The following ARL13A variants were observed in gnomAD, a reference collection of about 807,000 sequenced individuals.
ARL13A encodes the protein ADP-ribosylation factor-like protein 13A.
Under a neutral mutation model 19.1 loss-of-function variants are expected in ARL13A, and 16 were observed. That is an observed-to-expected ratio of 0.84 (90% CI 0.57 to 1.27). The LOEUF (loss-of-function observed/expected upper bound fraction) is 1.27, where lower values mean the gene tolerates loss of function less well. Among genes scored for constraint, ARL13A ranks in the 50% most tolerant of loss-of-function variants. The probability of loss-of-function intolerance (pLI) is 0.00; values close to 1 mark genes in which losing one functional copy is unlikely to be tolerated. For synonymous variants in ARL13A, 69 were observed against 71.3 expected, an observed-to-expected ratio of 0.97 and a Z score of 0.17; for missense variants, 153 against 186.4, an observed-to-expected ratio of 0.82 and a Z score of 1.04.
chrX:100,983,890 A>ATGAC (rs1215446715), intron 3 of ARL13A, among the ~76,000 whole-genome samples: 1 of 111,372 alleles, frequency 9.0e-6, no homozygotes, highest in Middle Eastern at 4.2e-3. Context: ...TTTCACGTTA[A>ATGAC]TGACTCATTT....
intron 3 of ARL13A, among the ~76,000 whole-genome samples, chrX:100,975,819 A>G (rs1040704983): frequency 9.1e-6 from 1 of 109,667 alleles, no homozygotes; most frequent in Non-Finnish European, 1.9e-5. Context: ...ATTTTAGTAG[A>G]GATGGGGTTT....
At chrX:100,981,551 C>T (rs1410390821) in intron 3 of ARL13A, among the ~76,000 whole-genome samples, 2 of 108,641 alleles carry the variant, frequency 1.8e-5, no homozygotes, top group Non-Finnish European at 3.8e-5. Context: ...TGCCTGCAAT[C>T]CCAGCACTTT....
chrX:100,972,519 G>T (rs1453579608), intron 1 of ARL13A, among the ~76,000 whole-genome samples: 1 of 84,934 alleles, frequency 1.2e-5, no homozygotes, highest in Non-Finnish European at 2.4e-5. Context: ...CGGACGGGGC[G>T]GCTGGCCGGG....
chrX:100,986,905 A>G lies in ARL13A; in HGVS notation c.486+4A>G, dbSNP rs1299872027. On this transcript the variant is annotated splice_donor_region_variant and intron_variant, in intron 5 of 7. Coordinates refer to ENST00000450049, the MANE Select transcript of ARL13A (RefSeq NM_001162491.2). ...GAATAAGTGCCCATGCCGAGTAGTA[A>G]GTGTCAACCTCTTCCTTCCCTCTTC... The G allele has an allele frequency of 1.1e-5, 12 of 1,131,756 alleles. No individual in the cohort carries two copies. The highest frequency in any genetic ancestry group is 1.2e-5 in the Non-Finnish European group (10 of 831,221). 93.3% of individuals were successfully genotyped at this position (1,131,756 alleles called of 1,213,427 possible). A position where few individuals can be genotyped will look rare whatever the true frequency, so the allele number is the denominator to read the frequency against.
chrX:100,983,398 C>T (rs2085890713), intron 3 of ARL13A, among the ~76,000 whole-genome samples: 1 of 110,391 alleles, frequency 9.1e-6, no homozygotes, highest in Non-Finnish European at 1.9e-5. Flanking sequence ...GCTCTGTCAC[C>T]CAGGCTGAAG....
chrX:100,987,454 G>T lies in ARL13A; in HGVS notation c.551G>T (p.Arg184Leu). 8.3e-7 allele frequency: 1 copy of T among 1,211,041 alleles called. No individual in the cohort carries two copies. The highest frequency in any genetic ancestry group is 2.3e-4 in the Middle Eastern group (1 of 4,354). ...CATCAGCCCATAGTTGAAGGACTGC[G>T]CTGGCTATTAGCTGTCATTGATACT... ...RNHQPIVEGL[R>L]WLLAVIDTCQ... Residue 184 changes from arginine to leucine, a missense_variant, in exon 6 of 8, where the codon CGC (arginine) becomes CTC (leucine). Coordinates refer to ENST00000450049, the MANE Select transcript of ARL13A (RefSeq NM_001162491.2).
In ARL13A at chrX:100,970,356, T is replaced by A. The variant is rs201252700; in HGVS notation, c.-15+547T>A. On this transcript the variant is annotated intron_variant, in intron 1 of 7. Transcript: ENST00000450049. ...AGAAATGCTATGAAATGTTAGTATTTTGGAATGGCAACTCTCCAGAACAGT... is the reference window on the plus strand; with the variant it reads ...AGAAATGCTATGAAATGTTAGTATTATGGAATGGCAACTCTCCAGAACAGT... Among the ~76,000 whole-genome samples, 6 of 112,749 alleles carry A rather than the reference T, an allele frequency of 5.3e-5. No homozygotes were observed. In the East Asian group the frequency reaches 1.7e-3, roughly 31 times the overall value.
intron 3 of ARL13A, among the ~76,000 whole-genome samples, chrX:100,979,700 A>G (rs942213186): frequency 9.0e-6 from 1 of 111,434 alleles, no homozygotes; most frequent in Non-Finnish European, 1.9e-5. Context: ...AGAGTTAGGT[A>G]TTTATGCAGG....
At chrX:100,984,097 C>T (rs1293298559) in intron 3 of ARL13A, among the ~76,000 whole-genome samples, 1 of 107,897 alleles carries the variant, frequency 9.3e-6, no homozygotes, top group Non-Finnish European at 1.9e-5. Context: ...TTCCATTTTC[C>T]TTCTTTTTTT....
chrX:100,974,370 C>G (rs960838043), intron 3 of ARL13A, among the ~76,000 whole-genome samples, 173 bp downstream of exon 3: 2 of 108,582 alleles, frequency 1.8e-5, no homozygotes, highest in Non-Finnish European at 3.8e-5. Context: ...CTCTCTGTCT[C>G]TCTCTCTCTC....
At position 100,990,714 on chromosome X, in the gene ARL13A, G is replaced by T; in HGVS notation, c.*126G>T. On this transcript the variant is annotated 3_prime_UTR_variant, in exon 8 of 8. Transcript: ENST00000450049. The stretch of plus-strand genomic sequence containing the variant: ...AGCTTGTGGACAATAAGTCATGGGT[G>T]ATCAACCAAAACTGAGCCTTAGAAA... 1 of 680,371 alleles carries T rather than the reference G, an allele frequency of 1.5e-6. No individual in the cohort carries two copies. Among genetic ancestry groups the T allele is most frequent in the South Asian group, 3.1e-5 (1 of 32,370 alleles). The allele number at this position is 680,371 out of a possible 1,213,427, so 56.1% of individuals were successfully genotyped here.
In ARL13A at chrX:100,988,259, T is replaced by G; in HGVS notation, c.720T>G (p.Ala240=). 3.3e-6 allele frequency: 4 copies of G among 1,209,610 alleles called. No homozygotes were observed. Among genetic ancestry groups the G allele is most frequent in the Non-Finnish European group, 4.5e-6 (4 of 894,345 alleles). The change falls in exon 7 of 8, where the codon GCT becomes GCG. Residue 240 remains alanine (A), a synonymous_variant. Coordinates refer to ENST00000450049, the MANE Select transcript of ARL13A (RefSeq NM_001162491.2). ...ATCTAGAACAATGCTCAATCGAAGC[T>G]AAGCCTCTAAAGTCAATCCTACAGG... The part of the protein sequence containing the change: ...RQHLEQCSIE[A]KPLKSILQPS...
Position 100,984,847 on chromosome X carries a change from GTTCA to G in ARL13A, c.131-809_131-806del, listed in dbSNP as rs1245165265. Among the ~76,000 whole-genome samples, 3 of 112,174 alleles carry G rather than the reference GTTCA, an allele frequency of 2.7e-5. No individual in the cohort carries two copies. The South Asian group carries it at 1.1e-3, about 42-fold the overall frequency. On this transcript the variant is annotated intron_variant, in intron 3 of 7. Transcript: ENST00000450049. ...GAAGGGTGGGAGAGAAGGACCTCCTGTTCATTCATTCATTTATCAGATTAATCCA... is the reference window on the plus strand; with the variant it reads ...GAAGGGTGGGAGAGAAGGACCTCCTGTTCATTCATTTATCAGATTAATCCA...
chrX:100,984,071 T>C (rs1349140485), intron 3 of ARL13A, among the ~76,000 whole-genome samples: 2 of 110,372 alleles, frequency 1.8e-5, no homozygotes, highest in African/African-American at 6.6e-5. Context: ...CTGGAACGCA[T>C]ATAAAGGCTG....
In ARL13A at chrX:100,990,549, A is replaced by G. The variant is rs1195173481; in HGVS notation, c.745-13A>G. The G allele has an allele frequency of 1.8e-6, 2 of 1,137,440 alleles. No homozygotes were observed. The highest frequency in any genetic ancestry group is 3.4e-5 in the East Asian group (1 of 29,823). The allele number at this position is 1,137,440 out of a possible 1,213,427, so 93.7% of individuals were successfully genotyped here. A position where few individuals can be genotyped will look rare whatever the true frequency, so the allele number is the denominator to read the frequency against. On this transcript the variant is annotated splice_polypyrimidine_tract_variant and intron_variant, in intron 7 of 7. Transcript: ENST00000450049. The stretch of plus-strand genomic sequence containing the variant: ...CTGAGAACCCCTGTTGTTCCTGTAT[A>G]TCTATATTCTAGCCATCAAATCAAT...
At chrX:100,973,458 C>G (rs759394222) in intron 1 of ARL13A, among the ~76,000 whole-genome samples, 2 of 108,428 alleles carry the variant, frequency 1.8e-5, no homozygotes, top group South Asian at 8.3e-4. Flanking sequence ...AAGACTGAGA[C>G]AGCTCCGCTG....
intron 1 of ARL13A, 52 bp from the exon 2 acceptor site, chrX:100,973,624 G>C (rs895210751): frequency 1.3e-5 from 15 of 1,122,987 alleles, no homozygotes; most frequent in Non-Finnish European, 1.8e-5. Context: ...TAAAGGCTCA[G>C]TGTTTATAAC....
chrX:100,975,529 G>A (rs964271985), intron 3 of ARL13A, among the ~76,000 whole-genome samples: 3 of 111,396 alleles, frequency 2.7e-5, no homozygotes, highest in Non-Finnish European at 5.6e-5. Flanking sequence ...TTAGCCTGTG[G>A]CCTTTTAGCA....
At position 100,973,412 on chromosome X, in the gene ARL13A, G is replaced by A. The variant is rs371141432; in HGVS notation, c.-14-264G>A. Among the ~76,000 whole-genome samples the A allele has an allele frequency of 1.3e-4, 14 of 104,041 alleles. No homozygotes were observed. The East Asian group carries it at 2.9e-3, about 21-fold the overall frequency. 90.3% of individuals were successfully genotyped at this position (104,041 alleles called of 115,157 possible). On this transcript the variant is annotated intron_variant, in intron 1 of 7. Transcript: ENST00000450049. ...GCGGGGCCCGTCCGCTCCTCCAGCC[G>A]CTGCCTCCCGGGCGGCGCTCGCCGG...
Sources: allele counts gnomAD v4.1 joint callset (sites outside exome capture counted in the v4.1 genomes callset), GRCh38; gene constraint gnomAD v4.1.1; transcripts MANE v1.5; gene names NCBI Gene and HGNC (gene_info 2026-07-23, HGNC 2026-07-21).